Variants in TNKS1BP1 observed in about 807,000 individuals in gnomAD.
The protein encoded by TNKS1BP1 is CCR4-NOT transcription complex subunit 12, also known as 182 kDa tankyrase-1-binding protein.
In TNKS1BP1, 48 loss-of-function variants were observed where a neutral mutation model predicts 141.1. The ratio of observed to expected loss-of-function variants is 0.34; its 90% CI spans 0.27 to 0.43. The LOEUF (loss-of-function observed/expected upper bound fraction) is 0.43, where lower values mean the gene tolerates loss of function less well. TNKS1BP1 is among the 20% of genes least tolerant of loss of function. TNKS1BP1 has a pLI of 1.00. For synonymous variants in TNKS1BP1, 875 were observed against 898.2 expected (o/e 0.97, Z 0.46); for missense variants, 2,149 against 2,226.0 (o/e 0.97, Z 0.70).
chr11:57,313,207 G>A lies in TNKS1BP1; in HGVS notation c.1481C>T (p.Ser494Phe), dbSNP rs770147322. Reference sequence around the variant, plus strand: ...TTCAGTGATGGGGGAGGGAGGCGGGGAGTCCAGCCGCCACACGCCCAGACC... The same window carrying A: ...TTCAGTGATGGGGGAGGGAGGCGGGAAGTCCAGCCGCCACACGCCCAGACC... ...PSGLGVWRLD[S>F]PPPSPITEAS... is the part of the protein sequence containing the mutation. Residue 494 changes from serine to phenylalanine, a missense_variant, in exon 5 of 12, where the codon TCC (serine) becomes TTC (phenylalanine). Physicochemically the swap from Ser to Phe is radical, Grantham distance 155 (BLOSUM62 -2). Transcript: ENST00000358252. 6.2e-7 allele frequency: 1 copy of A among 1,612,454 alleles called. No homozygotes were observed. Among genetic ancestry groups the A allele is most frequent in the Admixed American group, 1.7e-5 (1 of 60,032 alleles).
At chr11:57,322,058 A>G in intron 1 of TNKS1BP1, 108 bp from the exon 2 acceptor site, 8 of 468,900 alleles carry the variant, frequency 1.7e-5, no homozygotes, top group East Asian at 1.0e-4. Flanking sequence ...GGACAGGAAG[A>G]GAGAACTTGG....
chr11:57,310,438 A>C lies in TNKS1BP1; in HGVS notation c.2273T>G (p.Leu758Arg). ...WCQGASQDYG[L>R]GGASPRGDPG... ...GTCTCCTCTAGGGCTTGCACCCCCA[A>C]GGCCATAGTCCTGAGAAGCACCTTG... The change falls in exon 6 of 12, where the codon CTT becomes CGT. Residue 758 changes from leucine to arginine, a missense_variant. Transcript: ENST00000358252. The C allele has an allele frequency of 6.2e-7, 1 of 1,613,816 alleles. No homozygotes were observed. The highest frequency in any genetic ancestry group is 8.5e-7 in the Non-Finnish European group (1 of 1,180,018).
At chr11:57,313,941 G>A in intron 4 of TNKS1BP1, 52 bp from the exon 5 acceptor site, 2 of 1,431,606 alleles carry the variant, frequency 1.4e-6, no homozygotes, top group Non-Finnish European at 1.8e-6. Flanking sequence ...AGCGGGGCGG[G>A]GAGGGTCCCC....
At chr11:57,300,124 TG>T in intron 11 of TNKS1BP1, 43 bp from the exon 12 acceptor site, 1 of 171,884 alleles carries the variant, frequency 5.8e-6, no homozygotes, top group Non-Finnish European at 1.2e-5. Flanking sequence ...AAGGACACTG[TG>T]GAGGCTTCAG....
At chr11:57,314,507 G>A (rs1225784070) in intron 4 of TNKS1BP1, among the ~76,000 whole-genome samples, 1 of 152,152 alleles carries the variant, frequency 6.6e-6, no homozygotes, top group South Asian at 2.1e-4. Flanking sequence ...TTACCAGCAT[G>A]TGCCCTCCCT....
At chr11:57,306,903 T>TGGGG (rs796934603) in intron 6 of TNKS1BP1, among the ~76,000 whole-genome samples, 2 of 70,176 alleles carry the variant, frequency 2.8e-5, no homozygotes, top group African/African-American at 1.5e-4. Flanking sequence ...GCTGTGGTGG[T>TGGGG]GGGGGGGGGG....
Position 57,310,523 on chromosome 11 carries a change from T to C in TNKS1BP1, c.2188A>G (p.Ser730Gly). The change falls in exon 6 of 12, where the codon AGT (serine) becomes GGT (glycine). Residue 730 changes from serine to glycine, a missense_variant. Ser to Gly is a moderately conservative substitution (Grantham distance 56). Coordinates refer to ENST00000358252, the MANE Select transcript of TNKS1BP1 (RefSeq NM_033396.3). ...LLGWSQKDLQ[S>G]EFGITGDPQP... ...GGGTCTCCTGTGATCCCAAATTCAC[T>C]CTGCAGATCTTTCTGGGACCAGCCA... 6.2e-7 allele frequency: 1 copy of C among 1,606,164 alleles called. No homozygotes were observed. The highest frequency in any genetic ancestry group is 8.5e-7 in the Non-Finnish European group (1 of 1,179,836).
chr11:57,304,826 C>A (rs750827969), intron 6 of TNKS1BP1, among the ~76,000 whole-genome samples: 2 of 146,956 alleles, frequency 1.4e-5, no homozygotes, highest in African/African-American at 5.0e-5. Context: ...GAGCCAAGAC[C>A]GCGCCACTGC....
Position 57,312,907 on chromosome 11 carries a change from T to C in TNKS1BP1, c.1781A>G (p.Glu594Gly), listed in dbSNP as rs1565043241. Residue 594 changes from glutamate (E) to glycine (G), a missense_variant, in exon 5 of 12, where the codon GAG becomes GGG. Transcript: ENST00000358252. ...QQAEERYESQ[E>G]PLAGQESPLP... The stretch of plus-strand genomic sequence containing the variant: ...AGGGGACTCCTGTCCAGCCAAGGGC[T>C]CCTGCGACTCGTATCTCTCCTCTGC... 1.9e-6 allele frequency: 3 copies of C among 1,610,248 alleles called. No individual in the cohort carries two copies. Among genetic ancestry groups the C allele is most frequent in the Non-Finnish European group, 2.5e-6 (3 of 1,177,594 alleles).
intron 6 of TNKS1BP1, among the ~76,000 whole-genome samples, chr11:57,303,689 G>A (rs2134346816): frequency 6.6e-6 from 1 of 152,316 alleles, no homozygotes; most frequent in African/African-American, 2.4e-5. Context: ...CCAAGCAAAT[G>A]AGGGGCTGGG....
intron 6 of TNKS1BP1, among the ~76,000 whole-genome samples, chr11:57,306,021 C>G (rs564632616): frequency 7.4e-4 from 113 of 152,186 alleles, no homozygotes; most frequent in Middle Eastern, 3.4e-3. Flanking sequence ...TGCCTGTAAT[C>G]CCAGCACTTT....
At chr11:57,300,303 C>T (rs1196605858) in intron 11 of TNKS1BP1, among the ~76,000 whole-genome samples, 1 of 151,690 alleles carries the variant, frequency 6.6e-6, no homozygotes, top group African/African-American at 2.4e-5. Context: ...AGGATGGTAG[C>T]CCTTCTCCTC....
chr11:57,311,684 C>T (rs1042396347), intron 5 of TNKS1BP1, among the ~76,000 whole-genome samples: 4 of 152,326 alleles, frequency 2.6e-5, no homozygotes, highest in East Asian at 3.9e-4. Context: ...GCAGCCCAGG[C>T]CCGGCTTGAG....
In TNKS1BP1 at chr11:57,309,590, C is replaced by T. The variant is rs757701921; in HGVS notation, c.3121G>A (p.Gly1041Arg). The change falls in exon 6 of 12, where the codon GGG (glycine) becomes AGG (arginine). Residue 1041 changes from glycine (G) to arginine (R), a missense_variant. Transcript: ENST00000358252. The surrounding 1 kb of genome is among the most constrained non-coding windows in gnomAD (Gnocchi z 4.3). ...STAHVPDGAL[G>R]QRDQSSWQNS... ...TGCCAGCTGCTCTGGTCTCTCTGCCCGAGTGCCCCATCCGGCACGTGGGCA... is the reference window on the plus strand; with the variant it reads ...TGCCAGCTGCTCTGGTCTCTCTGCCTGAGTGCCCCATCCGGCACGTGGGCA... 1.3e-5 allele frequency: 21 copies of T among 1,613,552 alleles called. No individual in the cohort carries two copies. The highest frequency in any genetic ancestry group is 1.6e-4 in the Middle Eastern group (1 of 6,084).
chr11:57,300,671 G>A, intron 10 of TNKS1BP1, 71 bp from the exon 11 acceptor site: 2 of 1,600,268 alleles, frequency 1.2e-6, no homozygotes, highest in Non-Finnish European at 1.7e-6. Context: ...AGACGTGATA[G>A]GGACAGAAAC....
Position 57,317,857 on chromosome 11 carries a change from C to T in TNKS1BP1, c.759G>A (p.Gly253=), listed in dbSNP as rs1467839724. The T allele has an allele frequency of 3.7e-6, 6 of 1,613,994 alleles. No individual in the cohort carries two copies. The South Asian group carries it at 6.6e-5, about 18-fold the overall frequency. Residue 253 remains glycine, a synonymous_variant, in exon 4 of 12, where the codon GGG becomes GGA. Transcript: ENST00000358252. ...CCGAGCTGGCTGCCTTAGCCAGGTC[C>T]CCGTTGAAGGCCAGGTCGGAAGGAA... ...RSLPSDLAFN[G]DLAKAASSEL...
At chr11:57,311,285 C>T (rs1363277790) in intron 5 of TNKS1BP1, 1 of 986,010 alleles carries the variant, frequency 1.0e-6, no homozygotes, top group Non-Finnish European at 1.2e-6. Context: ...AGCCGGCCAG[C>T]CTCATCCCTC....
chr11:57,313,377 A>T lies in TNKS1BP1; in HGVS notation c.1311T>A (p.Ser437Arg). ...AGCCCCCCAGCTTCTCCTGGTCCTG[A>T]CTGGGTGACTGGAGCACACCTTCAG... ...RFSEGVLQSP[S>R]QDQEKLGGSL... Residue 437 changes from serine (S) to arginine (R), a missense_variant, in exon 5 of 12, where the codon AGT becomes AGA. By Grantham distance (110) the Ser-to-Arg change is moderately radical. Transcript: ENST00000358252. The T allele has an allele frequency of 6.2e-7, 1 of 1,612,530 alleles. No homozygotes were observed.
chr11:57,304,298 T>C (rs2134347676), intron 6 of TNKS1BP1, among the ~76,000 whole-genome samples: 1 of 152,164 alleles, frequency 6.6e-6, no homozygotes, highest in South Asian at 2.1e-4. Context: ...GCATGAGTGG[T>C]AGTCTGTCCT....
Sources: allele counts gnomAD v4.1 joint callset (sites outside exome capture counted in the v4.1 genomes callset), GRCh38; gene constraint gnomAD v4.1.1; non-coding constraint Gnocchi (gnomAD v3.1); transcripts MANE v1.5; gene names NCBI Gene and HGNC (gene_info 2026-07-23, HGNC 2026-07-21).